INTU: variants seen among roughly 807,000 people sequenced by gnomAD.
The protein encoded by INTU is protein inturned.
Under a neutral mutation model 100.5 loss-of-function variants are expected in INTU, and 68 were observed. That is an observed-to-expected ratio of 0.68 (90% confidence interval 0.56 to 0.83). INTU has a LOEUF of 0.83. INTU is among the 40% of genes least tolerant of loss of function. INTU has a pLI of 0.00. For synonymous variants in INTU, 357 were observed against 395.7 expected, an observed-to-expected ratio of 0.90 and a Z score of 1.16; for missense variants, 1,071 against 1,114.7, an observed-to-expected ratio of 0.96 and a Z score of 0.56.
intron 2 of INTU, among the ~76,000 whole-genome samples, chr4:127,651,014 A>C (rs560512165): frequency 6.6e-6 from 1 of 151,960 alleles, no homozygotes; most frequent in Admixed American, 6.6e-5. Context: ...CATAAATGTC[A>C]TCTTTTGAGA....
intron 14 of INTU, 24 bp downstream of exon 14, chr4:127,711,126 T>A: frequency 6.7e-7 from 1 of 1,489,424 alleles, no homozygotes; most frequent in South Asian, 1.4e-5. Flanking sequence ...ATAAATACAG[T>A]TTTCTGCCAG....
intron 6 of INTU, among the ~76,000 whole-genome samples, chr4:127,682,245 C>T (rs12649427): frequency 0.45 from 67,778 of 151,758 alleles, 15,889 homozygotes; most frequent in Middle Eastern, 0.66. Context: ...CCAGCCATCC[C>T]ATTACTGGGT....
Position 127,724,551 on chromosome 4 carries a change from G to A in INTU, c.*8115G>A, listed in dbSNP as rs1346817545. ...TTAGTTGGAAAAGAAAACTAATGGT[G>A]GAGAATTTTCTTTGGCTGGGAGAAT... On this transcript the variant is annotated 3_prime_UTR_variant, in exon 16 of 16. Transcript: ENST00000335251. 1 of 152,184 alleles carries A rather than the reference G, an allele frequency of 6.6e-6. No individual in the cohort carries two copies. Among genetic ancestry groups the A allele is most frequent in the Admixed American group, 6.5e-5 (1 of 15,274 alleles). The allele number at this position is 152,184 out of a possible 1,614,324, so 9.4% of individuals were successfully genotyped here. A position where few individuals can be genotyped will look rare whatever the true frequency, so the allele number is the denominator to read the frequency against.
At chr4:127,701,244 C>T (rs1379800880) in intron 9 of INTU, among the ~76,000 whole-genome samples, 1 of 152,124 alleles carries the variant, frequency 6.6e-6, no homozygotes, top group Non-Finnish European at 1.5e-5. Context: ...CTGGCAAATA[C>T]TGCAGGACAC....
chr4:127,676,449 A>G (rs570430242), intron 6 of INTU, among the ~76,000 whole-genome samples: 1 of 152,154 alleles, frequency 6.6e-6, no homozygotes, highest in East Asian at 1.9e-4. Flanking sequence ...AGCCAGGCAC[A>G]GTGGCATGCA....
chr4:127,665,632 G>A (rs1386982509), intron 4 of INTU, among the ~76,000 whole-genome samples: 1 of 152,050 alleles, frequency 6.6e-6, no homozygotes. Flanking sequence ...TCATTTAACT[G>A]TTCCTGGTCA....
At chr4:127,715,700 C>T (rs758813144) in intron 15 of INTU, among the ~76,000 whole-genome samples, 9 of 152,054 alleles carry the variant, frequency 5.9e-5, no homozygotes, top group Non-Finnish European at 1.3e-4. Context: ...GCTGTTCAGT[C>T]GAGTGTTAAC....
chr4:127,673,927 T>G lies in INTU; in HGVS notation c.1092-197T>G, dbSNP rs1342816425. On this transcript the variant is annotated intron_variant, in intron 5 of 15. Coordinates refer to ENST00000335251, the MANE Select transcript of INTU (RefSeq NM_015693.4). ...TAGAGTTTTCTGTTTTTTTGTTTTT[T>G]TTTTTTAATATGTTGGAGTATATTT... Among the ~76,000 whole-genome samples, 3 of 151,908 alleles carry G rather than the reference T, an allele frequency of 2.0e-5. No individual in the cohort carries two copies. In the East Asian group the frequency reaches 5.8e-4, roughly 29 times the overall value.
In INTU at chr4:127,723,484, C is replaced by T. The variant is rs1281951485; in HGVS notation, c.*7048C>T. The T allele has an allele frequency of 6.8e-6, 1 of 146,256 alleles. No individual in the cohort carries two copies. The highest frequency in any genetic ancestry group is 2.5e-5 in the African/African-American group (1 of 39,464). 9.1% of individuals were successfully genotyped at this position (146,256 alleles called of 1,614,324 possible). Reference sequence around the variant, plus strand: ...TATCAGATACTTTTCGTTAATTTAACTATCCTAGTACATACCTCACTGTGG... The same window carrying T: ...TATCAGATACTTTTCGTTAATTTAATTATCCTAGTACATACCTCACTGTGG... On this transcript the variant is annotated 3_prime_UTR_variant, in exon 16 of 16. Coordinates refer to ENST00000335251, the MANE Select transcript of INTU (RefSeq NM_015693.4).
intron 2 of INTU, among the ~76,000 whole-genome samples, chr4:127,647,274 A>G (rs1275163071): frequency 2.0e-5 from 3 of 152,226 alleles, no homozygotes; most frequent in Non-Finnish European, 4.4e-5. Flanking sequence ...GTAAGCCAGA[A>G]ATCTAAAATG....
At chr4:127,655,664 T>C (rs1027189943) in intron 2 of INTU, among the ~76,000 whole-genome samples, 12 of 151,038 alleles carry the variant, frequency 7.9e-5, no homozygotes. Context: ...CAGAGGTTAC[T>C]GCTGTCTTTT....
At chr4:127,654,522 C>A (rs1728080061) in intron 2 of INTU, among the ~76,000 whole-genome samples, 1 of 152,116 alleles carries the variant, frequency 6.6e-6, no homozygotes, top group African/African-American at 2.4e-5. Context: ...GTTGAAAATT[C>A]TTTTCTTTAA....
At chr4:127,649,249 T>C (rs572930884) in intron 2 of INTU, among the ~76,000 whole-genome samples, 26 of 152,212 alleles carry the variant, frequency 1.7e-4, no homozygotes, top group Non-Finnish European at 2.8e-4. Flanking sequence ...TAATAAGATA[T>C]TGAGCACAGC....
At chr4:127,713,687 A>G (rs1233738398) in intron 14 of INTU, among the ~76,000 whole-genome samples, 1 of 152,180 alleles carries the variant, frequency 6.6e-6, no homozygotes, top group African/African-American at 2.4e-5. Context: ...AATATAATAT[A>G]CATACTAATA....
At chr4:127,666,454 A>G (rs1000165593) in intron 4 of INTU, among the ~76,000 whole-genome samples, 1 of 152,160 alleles carries the variant, frequency 6.6e-6, no homozygotes, top group Non-Finnish European at 1.5e-5. Context: ...CCACTGACCT[A>G]GGATATTTCA....
At chr4:127,702,209 A>C (rs1169943293) in intron 9 of INTU, among the ~76,000 whole-genome samples, 1 of 152,120 alleles carries the variant, frequency 6.6e-6, no homozygotes, top group Non-Finnish European at 1.5e-5. Context: ...AAAAGAAAGA[A>C]AACCATAATT....
intron 8 of INTU, among the ~76,000 whole-genome samples, chr4:127,697,895 C>T (rs1560872290): frequency 6.6e-6 from 1 of 152,082 alleles, no homozygotes; most frequent in Non-Finnish European, 1.5e-5. Flanking sequence ...CTGAGGTGGA[C>T]AGATCATCTG....
intron 2 of INTU, among the ~76,000 whole-genome samples, chr4:127,656,151 C>T (rs1399341216): frequency 6.6e-6 from 1 of 152,196 alleles, no homozygotes. Context: ...GAACCCGGTA[C>T]CTCAGATGGA....
At chr4:127,688,621 A>G (rs1729945208) in intron 8 of INTU, among the ~76,000 whole-genome samples, 2 of 152,228 alleles carry the variant, frequency 1.3e-5, no homozygotes, top group Admixed American at 1.3e-4. Flanking sequence ...GTATGATCAA[A>G]TAAATGCCTT....
Sources: gnomAD v4.1 joint callset for allele counts (sites outside exome capture counted in the v4.1 genomes callset) on GRCh38, gnomAD v4.1.1 for gene constraint, MANE v1.5 for transcripts, NCBI Gene and HGNC (gene_info 2026-07-23, HGNC 2026-07-21) for gene names.